The following GALNTL6 variants were observed in gnomAD, a reference collection of about 807,000 sequenced individuals.
GALNTL6 encodes polypeptide N-acetylgalactosaminyltransferase-like 6.
A neutral mutation model predicts 73.7 loss-of-function variants in GALNTL6; 46 were observed. The ratio of observed to expected loss-of-function variants is 0.62; its 90% CI spans 0.49 to 0.80. The LOEUF is 0.80. Among genes scored for constraint, GALNTL6 ranks in the 30% least tolerant of loss-of-function variants. GALNTL6 has a pLI of 0.00. For synonymous variants in GALNTL6, 259 were observed against 263.7 expected, an observed-to-expected ratio of 0.98 and a Z score of 0.17; for missense variants, 604 against 755.0, an observed-to-expected ratio of 0.80 and a Z score of 2.34.
intron 2 of GALNTL6, among the ~76,000 whole-genome samples, chr4:172,161,894 A>G (rs780496284): frequency 1.8e-4 from 27 of 152,172 alleles, no homozygotes; most frequent in Admixed American, 5.2e-4. Flanking sequence ...AAGAAATAGT[A>G]TGTAAATATC....
intron 5 of GALNTL6, among the ~76,000 whole-genome samples, chr4:172,476,924 T>C (rs1579107892): frequency 4.4e-5 from 1 of 22,716 alleles, no homozygotes; most frequent in Non-Finnish European, 1.3e-4. Context: ...TTAAGAGACT[T>C]TTTTTTTTTT....
chr4:172,231,121 A>C (rs891399341), intron 3 of GALNTL6, among the ~76,000 whole-genome samples: 14 of 152,216 alleles, frequency 9.2e-5, no homozygotes, highest in African/African-American at 3.1e-4. Context: ...GACCCCATGA[A>C]TGGTCGTGAA....
chr4:172,936,744 A>G (rs1165425026), intron 9 of GALNTL6, among the ~76,000 whole-genome samples: 6 of 152,236 alleles, frequency 3.9e-5, no homozygotes, highest in Non-Finnish European at 8.8e-5. Context: ...ACTAACTATA[A>G]GAACCATCCA....
intron 12 of GALNTL6, among the ~76,000 whole-genome samples, chr4:173,030,777 A>G (rs1243844417): frequency 6.6e-6 from 1 of 151,102 alleles, no homozygotes; most frequent in East Asian, 1.9e-4. Flanking sequence ...GCCAAGACAG[A>G]TCATTAGAGC....
At chr4:172,273,936 C>T (rs1042567933) in intron 3 of GALNTL6, among the ~76,000 whole-genome samples, 1 of 152,162 alleles carries the variant, frequency 6.6e-6, no homozygotes, top group African/African-American at 2.4e-5. Flanking sequence ...GGAGACTGTA[C>T]ACATGGTGAT....
intron 2 of GALNTL6, among the ~76,000 whole-genome samples, chr4:172,003,605 C>T (rs971344529): frequency 3.3e-5 from 5 of 152,102 alleles, no homozygotes; most frequent in East Asian, 1.9e-4. Context: ...AAATAATATT[C>T]AATCTTTAAG....
At chr4:172,931,016 T>A (rs1748305171) in intron 8 of GALNTL6, 145 bp from the exon 9 acceptor site, 3 of 626,244 alleles carry the variant, frequency 4.8e-6, no homozygotes, top group Admixed American at 5.8e-5. Flanking sequence ...AAAGTGGTTT[T>A]CTTTTCTGGT....
At chr4:172,691,362 C>T (rs2111259029) in intron 5 of GALNTL6, among the ~76,000 whole-genome samples, 1 of 152,268 alleles carries the variant, frequency 6.6e-6, no homozygotes, top group African/African-American at 2.4e-5. Context: ...TGGCAGAAAG[C>T]AGTACACCTA....
intron 2 of GALNTL6, among the ~76,000 whole-genome samples, chr4:171,902,128 C>A (rs1176989166): frequency 6.6e-6 from 1 of 152,074 alleles, no homozygotes; most frequent in Admixed American, 6.5e-5. Context: ...ACAGCTCAAG[C>A]CTGACAGCTC....
At chr4:172,418,279 C>A (rs1482768509) in intron 5 of GALNTL6, among the ~76,000 whole-genome samples, 1 of 152,124 alleles carries the variant, frequency 6.6e-6, no homozygotes, top group Non-Finnish European at 1.5e-5. Flanking sequence ...CAGCAATATT[C>A]ATTTCTTACC....
chr4:172,235,052 T>C (rs781271020), intron 3 of GALNTL6, among the ~76,000 whole-genome samples: 2 of 152,190 alleles, frequency 1.3e-5, no homozygotes, highest in Non-Finnish European at 2.9e-5. Context: ...TATCTAAATG[T>C]TTATATTTAT....
chr4:172,895,396 A>ATT (rs1475691783), intron 8 of GALNTL6, among the ~76,000 whole-genome samples: 4 of 146,454 alleles, frequency 2.7e-5, no homozygotes, highest in African/African-American at 1.0e-4. Context: ...ATATATATAT[A>ATT]TATATATTTT....
chr4:172,983,237 A>G (rs998177680), intron 10 of GALNTL6, among the ~76,000 whole-genome samples: 3 of 152,162 alleles, frequency 2.0e-5, no homozygotes, highest in Admixed American at 2.0e-4. Context: ...GAGGCAAAGA[A>G]CGTAATCTCC....
At chr4:172,855,107 TAAAACA>T (rs949412784) in intron 7 of GALNTL6, among the ~76,000 whole-genome samples, 1 of 146,656 alleles carries the variant, frequency 6.8e-6, no homozygotes. Flanking sequence ...ATGTTTTATT[TAAAACA>T]AAAACAAAAA....
At chr4:172,295,743 A>G (rs1243382928) in intron 3 of GALNTL6, among the ~76,000 whole-genome samples, 1 of 151,456 alleles carries the variant, frequency 6.6e-6, no homozygotes, top group Admixed American at 6.6e-5. Flanking sequence ...CCACACACAC[A>G]CAGGTCTACC....
chr4:172,028,131 A>G (rs955761160), intron 2 of GALNTL6, among the ~76,000 whole-genome samples: 1 of 152,148 alleles, frequency 6.6e-6, no homozygotes, highest in East Asian at 1.9e-4. Flanking sequence ...TTTCACAGCT[A>G]GCAAGGAGAA....
At chr4:172,891,157 T>C (rs934422655) in intron 8 of GALNTL6, among the ~76,000 whole-genome samples, 2 of 152,056 alleles carry the variant, frequency 1.3e-5, no homozygotes, top group African/African-American at 4.8e-5. Flanking sequence ...ACTCTGTGCT[T>C]TTTAAGTGAG....
chr4:172,135,491 C>A (rs1384040103), intron 2 of GALNTL6, among the ~76,000 whole-genome samples: 1 of 152,016 alleles, frequency 6.6e-6, no homozygotes, highest in African/African-American at 2.4e-5. Flanking sequence ...AACAAATTCT[C>A]CTCTACTAAT....
At chr4:172,629,464 T>C (rs1739300481) in intron 5 of GALNTL6, among the ~76,000 whole-genome samples, 1 of 152,166 alleles carries the variant, frequency 6.6e-6, no homozygotes, top group Admixed American at 6.5e-5. Context: ...ACTCTTTTGG[T>C]GAAAAGGAAT....
Sources: allele counts gnomAD v4.1 joint callset (sites outside exome capture counted in the v4.1 genomes callset), GRCh38; gene constraint gnomAD v4.1.1; transcripts MANE v1.5; gene names NCBI Gene and HGNC (gene_info 2026-07-23, HGNC 2026-07-21).